The following KHDRBS2 variants were observed in gnomAD, a reference collection of about 807,000 sequenced individuals.
KHDRBS2 encodes the protein KH RNA binding domain containing, signal transduction associated 2, also known as KH domain-containing, RNA-binding, signal transduction-associated protein 2.
KHDRBS2 carries 26 observed loss-of-function variants against 44.3 expected under a neutral mutation model. The ratio of observed to expected loss-of-function variants is 0.59; its 90% CI spans 0.43 to 0.81. The LOEUF is 0.81. Among genes scored for constraint, KHDRBS2 ranks in the 40% least tolerant of loss-of-function variants. The probability of loss-of-function intolerance (pLI) is 0.00; values close to 1 mark genes in which losing one functional copy is unlikely to be tolerated. For synonymous variants in KHDRBS2, 194 were observed against 151.1 expected (o/e 1.28, Z -2.08); for missense variants, 476 against 433.1 (o/e 1.10, Z -0.88).
intron 2 of KHDRBS2, among the ~76,000 whole-genome samples, chr6:62,110,720 G>T (rs991225267): frequency 6.6e-6 from 1 of 152,026 alleles, no homozygotes; most frequent in Non-Finnish European, 1.5e-5. Flanking sequence ...GTCAGGTAGA[G>T]GAGGCAAGGA....
intron 4 of KHDRBS2, among the ~76,000 whole-genome samples, chr6:61,912,240 T>C (rs1226677078): frequency 6.6e-6 from 1 of 152,000 alleles, no homozygotes; most frequent in Admixed American, 6.6e-5. Context: ...TGGAAAAAAA[T>C]ACATCAAAAA....
intron 1 of KHDRBS2, among the ~76,000 whole-genome samples, chr6:62,268,762 G>T (rs923656276): frequency 1.3e-5 from 2 of 151,850 alleles, no homozygotes; most frequent in Non-Finnish European, 2.9e-5. Flanking sequence ...GGATTTACTA[G>T]ATAGGATTAC....
chr6:61,971,477 C>A (rs1315720053), intron 4 of KHDRBS2, among the ~76,000 whole-genome samples: 1 of 151,990 alleles, frequency 6.6e-6, no homozygotes, highest in Non-Finnish European at 1.5e-5. Flanking sequence ...GTTGAAGATA[C>A]ATTTCAGAAA....
At chr6:61,803,476 C>T (rs1186844112) in intron 6 of KHDRBS2, among the ~76,000 whole-genome samples, 10 of 152,138 alleles carry the variant, frequency 6.6e-5, no homozygotes, top group Admixed American at 6.6e-4. Context: ...CCAGCCAACA[C>T]TAAATTGTAC....
chr6:62,025,242 C>T (rs143689880), intron 3 of KHDRBS2, among the ~76,000 whole-genome samples: 2 of 151,528 alleles, frequency 1.3e-5, no homozygotes, highest in East Asian at 1.9e-4. Context: ...ATGTTAATGG[C>T]GATTTACATT....
chr6:62,135,673 A>T (rs1811358857), intron 2 of KHDRBS2, among the ~76,000 whole-genome samples: 1 of 152,126 alleles, frequency 6.6e-6, no homozygotes, highest in Non-Finnish European at 1.5e-5. Flanking sequence ...TGACATATAT[A>T]AATATATATA....
chr6:61,958,084 TG>T lies in KHDRBS2; in HGVS notation c.483+19981del, dbSNP rs1323355688. Among the ~76,000 whole-genome samples the T allele has an allele frequency of 9.2e-5, 14 of 152,326 alleles. No homozygotes were observed. The East Asian group carries it at 2.7e-3, about 29-fold the overall frequency. On this transcript the variant is annotated intron_variant, in intron 4 of 8. Transcript: ENST00000281156. ...CTATTCTCAATCATAAAGTTCTGATTGACCTAGTCTCTAATCCAGCAACTGA... is the reference window on the plus strand; with the variant it reads ...CTATTCTCAATCATAAAGTTCTGATTACCTAGTCTCTAATCCAGCAACTGA...
intron 6 of KHDRBS2, among the ~76,000 whole-genome samples, chr6:61,759,781 T>C (rs1270336666): frequency 1.3e-5 from 2 of 152,206 alleles, no homozygotes; most frequent in African/African-American, 4.8e-5. Context: ...ATAATAGTAG[T>C]AGGATTTGGC....
intron 6 of KHDRBS2, among the ~76,000 whole-genome samples, chr6:61,773,720 T>C (rs1277414074): frequency 1.3e-5 from 2 of 151,876 alleles, no homozygotes; most frequent in Non-Finnish European, 2.9e-5. Context: ...TCCTTGCCCA[T>C]GCCTATGTCC....
intron 6 of KHDRBS2, among the ~76,000 whole-genome samples, chr6:61,792,663 G>A (rs1415582120): frequency 6.6e-6 from 1 of 151,646 alleles, no homozygotes; most frequent in Non-Finnish European, 1.5e-5. Context: ...AATGACAACT[G>A]CGAATTAGAA....
At chr6:61,892,391 G>GA (rs1204893783) in intron 6 of KHDRBS2, among the ~76,000 whole-genome samples, 3 of 152,062 alleles carry the variant, frequency 2.0e-5, no homozygotes, top group East Asian at 1.9e-4. Flanking sequence ...CACAGAATTG[G>GA]AAAAAACTAC....
At chr6:62,210,512 G>A (rs1405560154) in intron 1 of KHDRBS2, among the ~76,000 whole-genome samples, 2 of 151,856 alleles carry the variant, frequency 1.3e-5, no homozygotes, top group Non-Finnish European at 1.5e-5. Flanking sequence ...TGTATTTTTA[G>A]TAGAGATGGG....
chr6:62,052,148 G>A (rs1789212532), intron 2 of KHDRBS2, among the ~76,000 whole-genome samples: 1 of 151,782 alleles, frequency 6.6e-6, no homozygotes, highest in African/African-American at 2.4e-5. Flanking sequence ...TATACCCAAA[G>A]GAAATAAAAA....
chr6:61,969,341 A>G (rs997637663), intron 4 of KHDRBS2, among the ~76,000 whole-genome samples: 6 of 152,194 alleles, frequency 3.9e-5, no homozygotes, highest in African/African-American at 1.2e-4. Flanking sequence ...ATTGTTAATC[A>G]TAACAATTCA....
chr6:61,618,065 G>A, the KHDRBS2 span, among the ~76,000 whole-genome samples: 1 of 152,276 alleles, frequency 6.6e-6, no homozygotes, highest in East Asian at 1.9e-4. Flanking sequence ...AACCTAAATA[G>A]AAAGTCAAAA....
At chr6:61,996,407 T>C (rs1448661529) in intron 3 of KHDRBS2, among the ~76,000 whole-genome samples, 2 of 152,216 alleles carry the variant, frequency 1.3e-5, no homozygotes, top group East Asian at 1.9e-4. Flanking sequence ...TCTCTCTCTA[T>C]CCAATTTAGT....
At chr6:61,764,735 T>A (rs1779749107) in intron 6 of KHDRBS2, among the ~76,000 whole-genome samples, 1 of 152,174 alleles carries the variant, frequency 6.6e-6, no homozygotes, top group Admixed American at 6.6e-5. Context: ...GTTTGTTTTT[T>A]TTCTTGTAAA....
At chr6:62,284,342 T>C (rs563073482) in intron 1 of KHDRBS2, among the ~76,000 whole-genome samples, 1 of 152,230 alleles carries the variant, frequency 6.6e-6, no homozygotes, top group South Asian at 2.1e-4. Context: ...TATTATAAGC[T>C]ACATAAAGAA....
rs530293953 is a variant in KHDRBS2 at position 62,098,468 on chromosome 6, C to G, written c.220-50474G>C. ...CTTGAGCACTTTGACTATATCATCA[C>G]ACTCCCTCCTGGCCTGTAAGATTTC... On this transcript the variant is annotated intron_variant, in intron 2 of 8. Coordinates refer to ENST00000281156, the MANE Select transcript of KHDRBS2 (RefSeq NM_152688.4). Among the ~76,000 whole-genome samples the G allele has an allele frequency of 6.6e-5, 10 of 151,092 alleles. No individual in the cohort carries two copies. The Middle Eastern group carries it at 0.01, about 154-fold the overall frequency.
Sources: allele counts gnomAD v4.1 joint callset (sites outside exome capture counted in the v4.1 genomes callset), GRCh38; gene constraint gnomAD v4.1.1; transcripts MANE v1.5; gene names NCBI Gene and HGNC (gene_info 2026-07-23, HGNC 2026-07-21).